TNR: variants seen among roughly 807,000 people sequenced by gnomAD.
TNR encodes tenascin R.
TNR carries 45 observed loss-of-function variants against 150.4 expected under a neutral mutation model. That is an observed-to-expected ratio of 0.30 (90% CI 0.24 to 0.38). The LOEUF is 0.38. TNR is among the 10% of genes least tolerant of loss of function. The probability of loss-of-function intolerance (pLI) is 1.00; values close to 1 mark genes in which losing one functional copy is unlikely to be tolerated. For missense variants in TNR, 1,544 were observed against 1,759.1 expected, an observed-to-expected ratio of 0.88 and a Z score of 2.19; for synonymous variants, 687 against 678.4, an observed-to-expected ratio of 1.01 and a Z score of -0.20.
intron 4 of TNR, among the ~76,000 whole-genome samples, chr1:175,398,163 C>T (rs940222016): frequency 3.9e-5 from 6 of 152,084 alleles, no homozygotes; most frequent in Non-Finnish European, 8.8e-5. Context: ...AAATCCTCAG[C>T]AAAGACAGAG....
chr1:175,674,082 T>C (rs1558066573), intron 1 of TNR, among the ~76,000 whole-genome samples: 1 of 152,040 alleles, frequency 6.6e-6, no homozygotes, highest in Non-Finnish European at 1.5e-5. Flanking sequence ...AAGGATATGG[T>C]GGTGCAGGGA....
chr1:175,379,413 T>C, intron 9 of TNR, 139 bp downstream of exon 9: 1 of 689,002 alleles, frequency 1.5e-6, no homozygotes, highest in South Asian at 2.0e-5. Flanking sequence ...TGGATAGTAC[T>C]AGACATATGT....
intron 2 of TNR, among the ~76,000 whole-genome samples, chr1:175,457,327 C>G (rs1408085562): frequency 6.6e-6 from 1 of 152,228 alleles, no homozygotes; most frequent in East Asian, 1.9e-4. Context: ...TTCCAATAGA[C>G]AGCGCCCATA....
At chr1:175,736,091 C>G (rs995252667) in intron 1 of TNR, among the ~76,000 whole-genome samples, 13 of 152,296 alleles carry the variant, frequency 8.5e-5, no homozygotes, top group Admixed American at 5.2e-4. Flanking sequence ...CACCAAGTAC[C>G]CCAAGCTGCA....
chr1:175,348,434 A>T (rs1025397107), intron 18 of TNR, among the ~76,000 whole-genome samples: 8 of 152,222 alleles, frequency 5.3e-5, no homozygotes, highest in Non-Finnish European at 1.2e-4. Flanking sequence ...TTAAACTAAG[A>T]TGCCTTTGGA....
chr1:175,396,875 T>A, intron 4 of TNR, 68 bp from the exon 5 acceptor site: 1 of 1,557,272 alleles, frequency 6.4e-7, no homozygotes, highest in Non-Finnish European at 8.7e-7. Flanking sequence ...GACTCAACTT[T>A]CTTCCTCACA....
At chr1:175,540,970 C>G (rs894581092) in intron 1 of TNR, among the ~76,000 whole-genome samples, 1 of 152,114 alleles carries the variant, frequency 6.6e-6, no homozygotes, top group Admixed American at 6.6e-5. Flanking sequence ...TGCCCACCCT[C>G]CCCTGCCTCC....
At chr1:175,331,110 TTTC>T (rs1288701457) in intron 20 of TNR, among the ~76,000 whole-genome samples, 2 of 141,188 alleles carry the variant, frequency 1.4e-5, no homozygotes, top group East Asian at 2.0e-4. Context: ...TCTCTCTCTC[TTTC>T]TTTTCTTTCT....
intron 2 of TNR, among the ~76,000 whole-genome samples, chr1:175,450,681 T>C (rs986505586): frequency 6.6e-6 from 1 of 152,242 alleles, no homozygotes; most frequent in East Asian, 1.9e-4. Context: ...GCACATTTTG[T>C]CTGATGAATG....
chr1:175,405,220 T>C (rs1405922912), intron 3 of TNR, among the ~76,000 whole-genome samples: 2 of 152,224 alleles, frequency 1.3e-5, no homozygotes, highest in African/African-American at 2.4e-5. Flanking sequence ...TTCCCACTCA[T>C]TGGCGTCAGC....
chr1:175,639,861 C>T (rs968950580), intron 1 of TNR, among the ~76,000 whole-genome samples: 6 of 152,142 alleles, frequency 3.9e-5, no homozygotes, highest in African/African-American at 1.4e-4. Flanking sequence ...TCATTTTGGT[C>T]TCTGTTCAAA....
At chr1:175,682,730 G>T (rs939181197) in intron 1 of TNR, among the ~76,000 whole-genome samples, 1 of 152,068 alleles carries the variant, frequency 6.6e-6, no homozygotes, top group Admixed American at 6.5e-5. Flanking sequence ...TGGACTTCAG[G>T]TGGAAGCAGA....
intron 2 of TNR, among the ~76,000 whole-genome samples, chr1:175,455,659 G>A (rs1305941397): frequency 6.6e-6 from 1 of 152,204 alleles, no homozygotes; most frequent in African/African-American, 2.4e-5. Context: ...ATCCTGAAAA[G>A]CCAGAAGGGT....
At position 175,386,046 on chromosome 1, in the gene TNR, G is replaced by A. The variant is rs553876411; in HGVS notation, c.1763C>T (p.Thr588Ile). Residue 588 changes from threonine to isoleucine, a missense_variant, in exon 8 of 23, where the codon ACT (threonine) becomes ATT (isoleucine). Physicochemically the swap from Thr to Ile is moderately conservative, Grantham distance 89 (BLOSUM62 -1). Around this residue, in one of 2 missense-constraint regions of TNR, gnomAD observed 1,254 missense variants for 1,329.4 expected, o/e 0.94. Coordinates refer to ENST00000367674, the MANE Select transcript of TNR (RefSeq NM_003285.3). Reference protein sequence around the residue: ...RGTNESDSATTQFTTEIDAPK... With the variant: ...RGTNESDSATIQFTTEIDAPK... ...CGCAGCCTTACCTGTTGTGAACTGA[G>A]TGGTGGCAGAATCGCTCTCGTTGGT... 5 of 1,597,182 alleles carry A rather than the reference G, an allele frequency of 3.1e-6. No individual in the cohort carries two copies. Among genetic ancestry groups the A allele is most frequent in the Non-Finnish European group, 4.3e-6 (5 of 1,169,610 alleles).
rs569369062 is a variant in TNR, at chr1:175,534,915, T to C, written c.-164-6546A>G. ...GTGAGTGAGTTCTCAGGAGATTTGA[T>C]GGTTTTATAAGGGGCTTTTCCCCCT... On this transcript the variant is annotated intron_variant, in intron 1 of 22. Transcript: ENST00000367674. 2.0e-5 allele frequency among the ~76,000 whole-genome samples: 3 copies of C among 152,338 alleles called. No homozygotes were observed. The South Asian group carries it at 6.2e-4, about 32-fold the overall frequency.
At position 175,348,678 on chromosome 1, in the gene TNR, G is replaced by C. The variant is rs113323102; in HGVS notation, c.3382+5713C>G. On this transcript the variant is annotated intron_variant, in intron 18 of 22. Transcript: ENST00000367674. ...AGGCACCACAAACCAATACAGAACA[G>C]ATGGATTATTTAATAAATGATGTTA... is the stretch of plus-strand genomic sequence containing the variant. 3.5e-3 allele frequency among the ~76,000 whole-genome samples: 534 copies of C among 152,254 alleles called. 6 individuals carry two copies. Among genetic ancestry groups the C allele is most frequent in the African/African-American group, 0.013 (522 of 41,552 alleles).
intron 1 of TNR, among the ~76,000 whole-genome samples, chr1:175,715,224 G>A (rs564997312): frequency 6.6e-6 from 1 of 152,344 alleles, no homozygotes; most frequent in African/African-American, 2.4e-5. Flanking sequence ...GAAGGGAGTA[G>A]TGACTGTGCT....
chr1:175,403,373 C>A lies in TNR; in HGVS notation c.743G>T (p.Gly248Val). The A allele has an allele frequency of 6.2e-7, 1 of 1,614,146 alleles. No individual in the cohort carries two copies. The highest frequency in any genetic ancestry group is 8.5e-7 in the Non-Finnish European group (1 of 1,180,012). The change falls in exon 4 of 23, where the codon GGG becomes GTG. Residue 248 changes from glycine (G) to valine (V), a missense_variant. Gly to Val is a moderately radical substitution (Grantham distance 109). This residue lies in a region of TNR where 1,254 missense variants were observed against 1,329.4 expected (regional missense o/e 0.94). Transcript: ENST00000367674. ...DCSSRGLCVD[G>V]ECVCEEPYTG... Reference sequence around the variant, plus strand: ...GTAGGGCTCTTCACAGACACACTCCCCGTCCACGCAGAGCCCCCGGGAGCT... The same window carrying A: ...GTAGGGCTCTTCACAGACACACTCCACGTCCACGCAGAGCCCCCGGGAGCT...
rs146421131 is a variant in TNR, at chr1:175,719,082, G to T, written c.-165+24144C>A. On this transcript the variant is annotated intron_variant, in intron 1 of 22. Transcript: ENST00000367674. ...CATTTGCTTATCTTCTCTCTCCCTG[G>T]TATTTCTTTCTCTTTCTCCTCCTCC... Among the ~76,000 whole-genome samples the T allele has an allele frequency of 1.2e-4, 18 of 152,232 alleles. No homozygotes were observed. The East Asian group carries it at 3.5e-3, about 29-fold the overall frequency.
Sources: gnomAD v4.1 joint callset for allele counts (sites outside exome capture counted in the v4.1 genomes callset) on GRCh38, gnomAD v4.1.1 for gene constraint, gnomAD v4.1.1 regional missense constraint, MANE v1.5 for transcripts, NCBI Gene and HGNC (gene_info 2026-07-23, HGNC 2026-07-21) for gene names.